Variants in UNC13C observed in about 807,000 individuals in gnomAD.
The protein encoded by UNC13C is unc-13 homolog C.
In UNC13C, 174 loss-of-function variants were observed where a neutral mutation model predicts 245.4. The ratio of observed to expected loss-of-function variants is 0.71; its 90% CI spans 0.63 to 0.80. The LOEUF (loss-of-function observed/expected upper bound fraction) is 0.80, where lower values mean the gene tolerates loss of function less well. Ranked by LOEUF, UNC13C falls within the 30% of genes least tolerant of loss-of-function variation. The pLI, the probability that UNC13C is intolerant of heterozygous loss-of-function variation, is 0.00. For synonymous variants in UNC13C, 992 were observed against 895.1 expected (o/e 1.11, Z -1.93); for missense variants, 2,829 against 2,602.9 (o/e 1.09, Z -1.89).
intron 28 of UNC13C, among the ~76,000 whole-genome samples, chr15:54,552,711 AT>A (rs1418284293): frequency 1.3e-5 from 1 of 79,968 alleles, no homozygotes; most frequent in African/African-American, 5.2e-5. Context: ...ATATAATTAT[AT>A]TATATTGTAC....
chr15:54,553,092 TATATAATATATATTGTATTCTATATTAC>T, intron 28 of UNC13C, among the ~76,000 whole-genome samples: 1 of 101,286 alleles, frequency 9.9e-6, no homozygotes, highest in Non-Finnish European at 1.8e-5. Flanking sequence ...TATATTACAA[TATATAATATATATTGTATTCTATATTAC>T]AATATATAAT....
intron 30 of UNC13C, among the ~76,000 whole-genome samples, chr15:54,616,775 A>C (rs1283384223): frequency 1.3e-5 from 2 of 152,006 alleles, no homozygotes; most frequent in Non-Finnish European, 2.9e-5. Flanking sequence ...GTGTTTAGAG[A>C]GTCTGCAGGG....
chr15:54,042,807 C>A (rs559102573), intron 2 of UNC13C, among the ~76,000 whole-genome samples: 2 of 151,946 alleles, frequency 1.3e-5, no homozygotes, highest in Non-Finnish European at 2.9e-5. Flanking sequence ...GAGCCGAGAT[C>A]GTGCCACTGC....
chr15:54,093,817 C>G (rs187029985), intron 2 of UNC13C, among the ~76,000 whole-genome samples: 1 of 152,286 alleles, frequency 6.6e-6, no homozygotes, highest in Non-Finnish European at 1.5e-5. Context: ...AATATGACAG[C>G]ATGAGCCATG....
chr15:54,201,876 T>C (rs937586706), intron 4 of UNC13C, among the ~76,000 whole-genome samples: 8 of 151,896 alleles, frequency 5.3e-5, no homozygotes. Flanking sequence ...TTCAAACTGT[T>C]ACTATTTGCT....
intron 17 of UNC13C, among the ~76,000 whole-genome samples, chr15:54,372,296 G>C (rs1271384738): frequency 2.0e-5 from 3 of 151,822 alleles, no homozygotes; most frequent in African/African-American, 7.3e-5. Context: ...TCTTATACTT[G>C]TTTTCTATTA....
chr15:54,450,315 T>A (rs1328242902), intron 19 of UNC13C, among the ~76,000 whole-genome samples: 2 of 152,360 alleles, frequency 1.3e-5, no homozygotes, highest in East Asian at 1.9e-4. Flanking sequence ...CAGGGACATT[T>A]AAGTCTGCAC....
chr15:54,095,094 A>G (rs746556819), intron 2 of UNC13C, among the ~76,000 whole-genome samples: 2 of 152,168 alleles, frequency 1.3e-5, no homozygotes, highest in Admixed American at 6.5e-5. Flanking sequence ...CATTTGTCCA[A>G]TGAACTCTGG....
At chr15:54,315,651 G>A (rs958959884) in intron 13 of UNC13C, among the ~76,000 whole-genome samples, 11 of 151,432 alleles carry the variant, frequency 7.3e-5, no homozygotes, top group African/African-American at 2.2e-4. Flanking sequence ...TAGGTGTTTA[G>A]TCCATGTCTC....
chr15:53,880,177 C>A, the UNC13C span, among the ~76,000 whole-genome samples: 1 of 152,098 alleles, frequency 6.6e-6, no homozygotes, highest in South Asian at 2.1e-4. Flanking sequence ...GCAGGATCTC[C>A]GAGACGTATT....
chr15:54,488,507 T>A (rs991227124), intron 19 of UNC13C, among the ~76,000 whole-genome samples: 3 of 152,200 alleles, frequency 2.0e-5, no homozygotes, highest in Non-Finnish European at 4.4e-5. Flanking sequence ...AACACTGTGA[T>A]GATAGCAGCA....
At chr15:54,144,049 T>C (rs1012955641) in intron 4 of UNC13C, among the ~76,000 whole-genome samples, 1 of 152,200 alleles carries the variant, frequency 6.6e-6, no homozygotes, top group African/African-American at 2.4e-5. Context: ...ATGATATATG[T>C]ACATGAACAT....
At chr15:54,543,857 A>G (rs1426873127) in intron 26 of UNC13C, among the ~76,000 whole-genome samples, 1 of 152,178 alleles carries the variant, frequency 6.6e-6, no homozygotes, top group Non-Finnish European at 1.5e-5. Context: ...GCCGAATTCT[A>G]CCAGAGGTAC....
chr15:54,447,661 CT>C (rs1403923133), intron 19 of UNC13C, among the ~76,000 whole-genome samples: 2 of 152,088 alleles, frequency 1.3e-5, no homozygotes, highest in African/African-American at 2.4e-5. Flanking sequence ...ATTCTTCTCT[CT>C]TTTCTTCTTT....
intron 19 of UNC13C, among the ~76,000 whole-genome samples, chr15:54,452,222 G>C (rs527709848): frequency 6.6e-6 from 1 of 152,190 alleles, no homozygotes; most frequent in East Asian, 1.9e-4. Context: ...ATATTGGCAG[G>C]TCCAGGAGGG....
intron 4 of UNC13C, among the ~76,000 whole-genome samples, chr15:54,181,071 G>A (rs1293145378): frequency 1.3e-5 from 2 of 151,866 alleles, no homozygotes; most frequent in Admixed American, 1.3e-4. Context: ...TCTTTCCCAA[G>A]GCTGATATCT....
the UNC13C span, among the ~76,000 whole-genome samples, chr15:53,921,256 C>T: frequency 1.3e-5 from 2 of 152,138 alleles, no homozygotes; most frequent in East Asian, 3.9e-4. Context: ...CTGCGAACTT[C>T]TCAGCTACTA....
rs986404231 is a variant in UNC13C at position 54,012,766 on chromosome 15, G to A, written c.-138G>A. ...TGCACAGGACAGCGACAATGTGGCA[G>A]AGCCATGCCTGCCCTTCCTGCTCTT... On this transcript the variant is annotated 5_prime_UTR_variant, in exon 2 of 33. Transcript: ENST00000260323. 1 of 676,888 alleles carries A rather than the reference G, an allele frequency of 1.5e-6. No individual in the cohort carries two copies. The highest frequency in any genetic ancestry group is 2.5e-6 in the Non-Finnish European group (1 of 395,806). The allele number at this position is 676,888 out of a possible 1,614,324, so 41.9% of individuals were successfully genotyped here.
chr15:54,596,011 C>A (rs1212474308), intron 30 of UNC13C, among the ~76,000 whole-genome samples: 1 of 151,828 alleles, frequency 6.6e-6, no homozygotes, highest in Non-Finnish European at 1.5e-5. Context: ...AAAAAAAAGT[C>A]TTCAATAGGA....
Sources: allele counts gnomAD v4.1 joint callset (sites outside exome capture counted in the v4.1 genomes callset), GRCh38; gene constraint gnomAD v4.1.1; transcripts MANE v1.5; gene names NCBI Gene and HGNC (gene_info 2026-07-23, HGNC 2026-07-21).